Variants in GTF2IRD1 observed in about 807,000 individuals in gnomAD.
GTF2IRD1 encodes GTF2I repeat domain containing 1.
In GTF2IRD1, 26 loss-of-function variants were observed where a neutral mutation model predicts 113.2. That is an observed-to-expected ratio of 0.23 (90% CI 0.17 to 0.32). The LOEUF is 0.32. GTF2IRD1 is among the 10% of genes least tolerant of loss of function. The pLI is 1.00. For missense variants in GTF2IRD1, 864 were observed against 1,280.8 expected, an observed-to-expected ratio of 0.67 and a Z score of 4.97; for synonymous variants, 484 against 529.1, an observed-to-expected ratio of 0.91 and a Z score of 1.17.
At chr7:74,529,540 G>C (rs1797834975) in intron 8 of GTF2IRD1, among the ~76,000 whole-genome samples, 194 bp from the exon 9 acceptor site, 1 of 152,156 alleles carries the variant, frequency 6.6e-6, no homozygotes, top group Non-Finnish European at 1.5e-5. Context: ...ACAGGCATGA[G>C]TCACCGCACC....
chr7:74,527,599 T>C (rs1285316030), intron 8 of GTF2IRD1, among the ~76,000 whole-genome samples: 2 of 152,220 alleles, frequency 1.3e-5, no homozygotes, highest in African/African-American at 4.8e-5. Context: ...CCCAGCACTT[T>C]GGGAGGCCAA....
chr7:74,455,446 C>T (rs1400773982), intron 1 of GTF2IRD1, among the ~76,000 whole-genome samples: 6 of 152,208 alleles, frequency 3.9e-5, no homozygotes, highest in Non-Finnish European at 5.9e-5. Context: ...GGCACTGGCC[C>T]GGGGCCTTGG....
chr7:74,542,067 G>A (rs1798665866), intron 14 of GTF2IRD1, among the ~76,000 whole-genome samples: 1 of 151,584 alleles, frequency 6.6e-6, no homozygotes, highest in Non-Finnish European at 1.5e-5. Flanking sequence ...CTGCACTCCA[G>A]TCTGGGTGCC....
chr7:74,496,352 G>A (rs945879545), intron 1 of GTF2IRD1, among the ~76,000 whole-genome samples: 17 of 150,250 alleles, frequency 1.1e-4, no homozygotes, highest in Admixed American at 1.1e-3. Context: ...GTGCATGTGT[G>A]TGTGGGTGCA....
At chr7:74,546,722 C>T (rs1453624583) in intron 16 of GTF2IRD1, among the ~76,000 whole-genome samples, 3 of 151,488 alleles carry the variant, frequency 2.0e-5, no homozygotes, top group African/African-American at 7.3e-5. Flanking sequence ...GAGGGACACT[C>T]GGGGGGCCTT....
At chr7:74,488,365 T>A (rs1795139830) in intron 1 of GTF2IRD1, among the ~76,000 whole-genome samples, 1 of 152,116 alleles carries the variant, frequency 6.6e-6, no homozygotes, top group South Asian at 2.1e-4. Flanking sequence ...CAGCTGCAGT[T>A]GGAAAGGAAA....
intron 24 of GTF2IRD1, among the ~76,000 whole-genome samples, chr7:74,594,000 C>A (rs1802242539): frequency 6.6e-6 from 1 of 152,010 alleles, no homozygotes; most frequent in Admixed American, 6.6e-5. Context: ...GAGTTCGAGA[C>A]CAGCCTGGCC....
chr7:74,493,470 A>C (rs59832269), intron 1 of GTF2IRD1, among the ~76,000 whole-genome samples: 25,462 of 152,032 alleles, frequency 0.17, 2,261 homozygotes, highest in Middle Eastern at 0.23. Flanking sequence ...GCTAAGCCAG[A>C]ATAATCCCCT....
intron 4 of GTF2IRD1, among the ~76,000 whole-genome samples, chr7:74,517,882 T>C (rs28582972): frequency 0.25 from 37,920 of 152,110 alleles, 5,729 homozygotes; most frequent in African/African-American, 0.42. Flanking sequence ...AGGGGCTTGG[T>C]CGGGGAGGGC....
Position 74,601,517 on chromosome 7 carries a change from A to C in GTF2IRD1, c.2766+337A>C. On this transcript the variant is annotated intron_variant, in intron 26 of 26. Coordinates refer to ENST00000424337, the MANE Select transcript of GTF2IRD1 (RefSeq NM_005685.4). ...GGCGGGTGCAGTGGCTCACGCCTGT[A>C]ATCCCAGCACTTTGGCAGGTCAAGT... 2.1e-6 allele frequency: 3 copies of C among 1,414,486 alleles called. No individual in the cohort carries two copies. In the South Asian group the frequency reaches 4.6e-5, roughly 22 times the overall value. The allele number at this position is 1,414,486 out of a possible 1,614,324, so 87.6% of individuals were successfully genotyped here.
In GTF2IRD1 at chr7:74,515,520, T is replaced by A; in HGVS notation, c.345T>A (p.Pro115=). The change falls in exon 4 of 27, where the codon CCT becomes CCA. Residue 115 remains proline (P), a synonymous_variant. Coordinates refer to ENST00000424337, the MANE Select transcript of GTF2IRD1 (RefSeq NM_005685.4). Reference sequence around the variant, plus strand: ...GCGAGGGTGGAGGCCGTAGCCTCCCTCGGTCCTCCCTGGAACATGGCTCAG... The same window carrying A: ...GCGAGGGTGGAGGCCGTAGCCTCCCACGGTCCTCCCTGGAACATGGCTCAG... ...QRGEGGGRSL[P]RSSLEHGSDV... The A allele has an allele frequency of 3.1e-6, 5 of 1,613,746 alleles. No individual in the cohort carries two copies. The highest frequency in any genetic ancestry group is 4.2e-6 in the Non-Finnish European group (5 of 1,179,708).
At chr7:74,488,156 C>T (rs550957078) in intron 1 of GTF2IRD1, among the ~76,000 whole-genome samples, 2 of 152,192 alleles carry the variant, frequency 1.3e-5, no homozygotes, top group East Asian at 1.9e-4. Context: ...TGGCGACACA[C>T]GCTGTGGTCC....
intron 1 of GTF2IRD1, among the ~76,000 whole-genome samples, chr7:74,478,540 A>G (rs1554333960): frequency 6.6e-6 from 1 of 151,334 alleles, no homozygotes; most frequent in Non-Finnish European, 1.5e-5. Context: ...ACTGTAGCCT[A>G]GAACTCTTGG....
chr7:74,601,455 A>G, intron 26 of GTF2IRD1: 1 of 1,449,092 alleles, frequency 6.9e-7, no homozygotes, highest in South Asian at 1.4e-5. Flanking sequence ...CACACCCTTC[A>G]GCCGCACCAG....
At chr7:74,456,878 C>G (rs1418880654) in intron 1 of GTF2IRD1, among the ~76,000 whole-genome samples, 2 of 152,100 alleles carry the variant, frequency 1.3e-5, no homozygotes, top group Admixed American at 1.3e-4. Flanking sequence ...GAATTTGCCT[C>G]TTTTCCTCTC....
chr7:74,456,406 G>A (rs1439878635), intron 1 of GTF2IRD1, among the ~76,000 whole-genome samples: 3 of 152,154 alleles, frequency 2.0e-5, no homozygotes, highest in Non-Finnish European at 4.4e-5. Flanking sequence ...TAGTCTGGCC[G>A]GGCGCAGTGG....
intron 14 of GTF2IRD1, among the ~76,000 whole-genome samples, chr7:74,542,108 C>A (rs1477022517): frequency 8.2e-5 from 12 of 146,660 alleles, no homozygotes; most frequent in Non-Finnish European, 7.5e-5. Flanking sequence ...AAAAAAAAAA[C>A]AAAAATAGGC....
intron 22 of GTF2IRD1, among the ~76,000 whole-genome samples, chr7:74,573,415 AC>A (rs1423073471): frequency 1.1e-4 from 17 of 151,606 alleles, no homozygotes; most frequent in African/African-American, 4.1e-4. Flanking sequence ...AAAAAAAAAA[AC>A]GATTAAAATT....
chr7:74,497,005 A>G (rs899609689), intron 1 of GTF2IRD1, among the ~76,000 whole-genome samples: 2 of 152,042 alleles, frequency 1.3e-5, no homozygotes, highest in East Asian at 3.9e-4. Flanking sequence ...CTACAAAAAA[A>G]TTTAAAATTA....
Sources: allele counts gnomAD v4.1 joint callset (sites outside exome capture counted in the v4.1 genomes callset), GRCh38; gene constraint gnomAD v4.1.1; transcripts MANE v1.5; gene names NCBI Gene and HGNC (gene_info 2026-07-23, HGNC 2026-07-21).